Variants in TBKBP1 observed in about 807,000 individuals in gnomAD.
TBKBP1 encodes the protein TANK-binding kinase 1-binding protein 1.
A neutral mutation model predicts 69.9 loss-of-function variants in TBKBP1; 47 were observed. The observed-to-expected ratio is 0.67, with a 90% CI of 0.53 to 0.86. The LOEUF (loss-of-function observed/expected upper bound fraction) is 0.86. Ranked by LOEUF, TBKBP1 falls within the 40% of genes least tolerant of loss-of-function variation. The pLI is 0.00. For missense variants in TBKBP1, 831 were observed against 858.6 expected (o/e 0.97, Z 0.40); for synonymous variants, 418 against 390.3 (o/e 1.07, Z -0.84).
intron 7 of TBKBP1, among the ~76,000 whole-genome samples, chr17:47,701,004 C>T (rs994992931): frequency 3.9e-5 from 6 of 152,180 alleles, no homozygotes; most frequent in African/African-American, 1.4e-4. Context: ...AGACTCCCTA[C>T]TCTAATTGGA....
chr17:47,699,119 A>AT (rs1223299979), intron 5 of TBKBP1, among the ~76,000 whole-genome samples: 2 of 151,818 alleles, frequency 1.3e-5, no homozygotes, highest in Non-Finnish European at 2.9e-5. Flanking sequence ...AGCCCATCTT[A>AT]TTTTTTTCCT....
intron 1 of TBKBP1, chr17:47,694,509 T>C (rs1017898440): frequency 6.6e-6 from 1 of 150,536 alleles, no homozygotes; most frequent in Admixed American, 6.6e-5. Context: ...ACAATTTCTG[T>C]CGGCCGAGCG....
chr17:47,706,871 G>GCA (rs1239056003), intron 7 of TBKBP1, among the ~76,000 whole-genome samples: 4 of 82,480 alleles, frequency 4.8e-5, no homozygotes, highest in South Asian at 9.1e-4. Context: ...ACACACACAC[G>GCA]CACACACCCC....
In TBKBP1 at chr17:47,710,665, C is replaced by T; in HGVS notation, c.*39C>T. On this transcript the variant is annotated 3_prime_UTR_variant, in exon 10 of 10. Coordinates refer to ENST00000578982, the MANE Select transcript of TBKBP1 (RefSeq NM_001394755.1). ...CCCACTGGCTGTTTCTCCGTCCTCT[C>T]CTATCACCCCCAAACACTCACTTTG... 3 of 1,580,172 alleles carry T rather than the reference C, an allele frequency of 1.9e-6. No homozygotes were observed. The highest frequency in any genetic ancestry group is 2.2e-5 in the South Asian group (2 of 89,696).
chr17:47,706,865 A>ACACACACACG (rs2031718814), intron 7 of TBKBP1, among the ~76,000 whole-genome samples: 1 of 151,058 alleles, frequency 6.6e-6, no homozygotes, highest in African/African-American at 2.5e-5. Flanking sequence ...ACACACACAC[A>ACACACACACG]CACACGCACA....
intron 7 of TBKBP1, among the ~76,000 whole-genome samples, chr17:47,700,052 A>G (rs1238104828): frequency 6.7e-6 from 1 of 149,726 alleles, no homozygotes; most frequent in East Asian, 2.0e-4. Flanking sequence ...CAGTGGCGCA[A>G]TCTCGGCTCA....
chr17:47,696,016 GA>G, intron 1 of TBKBP1, 62 bp from the exon 2 acceptor site: 1 of 938,268 alleles, frequency 1.1e-6, no homozygotes, highest in Non-Finnish European at 1.6e-6. Context: ...GAGCCAGGGA[GA>G]GGGGTACCAG....
intron 7 of TBKBP1, among the ~76,000 whole-genome samples, chr17:47,707,399 G>T (rs2031735965): frequency 6.6e-6 from 1 of 152,218 alleles, no homozygotes; most frequent in East Asian, 1.9e-4. Flanking sequence ...TGCCCAAGAT[G>T]CCTGAACAGG....
rs1461256072 is a variant in TBKBP1 at position 47,709,413 on chromosome 17, C to T, written c.1680C>T (p.Tyr560=). 1 of 1,541,594 alleles carries T rather than the reference C, an allele frequency of 6.5e-7. No individual in the cohort carries two copies. Among genetic ancestry groups the T allele is most frequent in the Non-Finnish European group, 8.7e-7 (1 of 1,152,102 alleles). The change falls in exon 9 of 10, where the codon TAC becomes TAT. Residue 560 remains tyrosine (Y), a synonymous_variant. Coordinates refer to ENST00000578982, the MANE Select transcript of TBKBP1 (RefSeq NM_001394755.1). The part of the protein sequence containing the change: ...PIPESPAATA[Y]AHAEHAQSWP... ...CCGAGTCGCCCGCCGCCACCGCCTACGCCCACGCCGAGCACGCGCAGTCCT... is the reference window on the plus strand; with the variant it reads ...CCGAGTCGCCCGCCGCCACCGCCTATGCCCACGCCGAGCACGCGCAGTCCT...
In TBKBP1 at chr17:47,709,160, C is replaced by T. The variant is rs1250639840; in HGVS notation, c.1427C>T (p.Pro476Leu). 4.9e-6 allele frequency: 7 copies of T among 1,430,370 alleles called. No homozygotes were observed. Among genetic ancestry groups the T allele is most frequent in the East Asian group, 3.0e-5 (1 of 32,864 alleles). 88.6% of individuals were successfully genotyped at this position (1,430,370 alleles called of 1,614,324 possible). A position where few individuals can be genotyped will look rare whatever the true frequency, so the allele number is the denominator to read the frequency against. Reference sequence around the variant, plus strand: ...GGCGCGGCCTACGCGGGCGCCTCCCCGCCCTGGCTGCAGGCCGAAGCGGCC... The same window carrying T: ...GGCGCGGCCTACGCGGGCGCCTCCCTGCCCTGGCTGCAGGCCGAAGCGGCC... ...AEGAAYAGAS[P>L]PWLQAEAATL... Residue 476 changes from proline to leucine, a missense_variant, in exon 9 of 10, where the codon CCG becomes CTG. Pro to Leu is a moderately conservative substitution (Grantham distance 98). Transcript: ENST00000578982.
At chr17:47,696,630 G>A in intron 2 of TBKBP1, 81 bp from the exon 3 acceptor site, 1 of 1,602,914 alleles carries the variant, frequency 6.2e-7, no homozygotes, top group East Asian at 2.2e-5. Context: ...GAGGCAGGTT[G>A]TGGGTTGGGG....
At chr17:47,706,464 T>C (rs1394599018) in intron 7 of TBKBP1, among the ~76,000 whole-genome samples, 1 of 152,058 alleles carries the variant, frequency 6.6e-6, no homozygotes, top group Non-Finnish European at 1.5e-5. Flanking sequence ...ACAGGACACA[T>C]TTAACAAAAA....
intron 7 of TBKBP1, among the ~76,000 whole-genome samples, chr17:47,706,706 AG>A: frequency 6.6e-6 from 1 of 152,272 alleles, no homozygotes; most frequent in African/African-American, 2.4e-5. Context: ...AGGATTAGTA[AG>A]AGACAGCCAG....
At chr17:47,696,009 C>CCCCCTGCACT in intron 1 of TBKBP1, 70 bp from the exon 2 acceptor site, 1 of 883,778 alleles carries the variant, frequency 1.1e-6, no homozygotes, top group Non-Finnish European at 1.7e-6. Flanking sequence ...GAGTGCAGAG[C>CCCCCTGCACT]CAGGGAGAGG....
Position 47,696,247 on chromosome 17 carries a change from C to A in TBKBP1, c.135C>A (p.Ile45=), listed in dbSNP as rs773729323. ...GCTCCGCCTCCCACTTTGCCCTCAT[C>A]ACTGCTTACGGAGACATCAAGGAAC... ...DMCSASHFAL[I]TAYGDIKERL... Residue 45 remains isoleucine, a synonymous_variant, in exon 2 of 10, where the codon ATC becomes ATA. Coordinates refer to ENST00000578982, the MANE Select transcript of TBKBP1 (RefSeq NM_001394755.1). 6.2e-7 allele frequency: 1 copy of A among 1,613,614 alleles called. No homozygotes were observed. The highest frequency in any genetic ancestry group is 8.5e-7 in the Non-Finnish European group (1 of 1,179,868).
rs2031258012 is a variant in TBKBP1, at chr17:47,696,715, C to T, written c.230C>T (p.Pro77Leu). 6.2e-7 allele frequency: 1 copy of T among 1,613,842 alleles called. No homozygotes were observed. The highest frequency in any genetic ancestry group is 1.1e-5 in the South Asian group (1 of 91,086). Reference protein sequence around the residue: ...RRLKVYEIKYPLISDFGEEHG... With the variant: ...RRLKVYEIKYLLISDFGEEHG... ...GAAGCTCCACCCCACCTGCAGTACC[C>T]ACTGATCAGTGACTTTGGAGAGGAG... The change falls in exon 3 of 10, where the codon CCA becomes CTA. Residue 77 changes from proline to leucine, a missense_variant. Physicochemically the swap from Pro to Leu is moderately conservative, Grantham distance 98 (BLOSUM62 -3). Transcript: ENST00000578982.
intron 7 of TBKBP1, among the ~76,000 whole-genome samples, chr17:47,704,104 C>T (rs910196038): frequency 1.3e-5 from 2 of 152,180 alleles, no homozygotes; most frequent in Non-Finnish European, 2.9e-5. Context: ...TGGGACAGTC[C>T]TAGGCAAACT....
At position 47,697,087 on chromosome 17, in the gene TBKBP1, A is replaced by G. The variant is rs2031279120; in HGVS notation, c.349-2A>G. 1 of 1,609,492 alleles carries G rather than the reference A, an allele frequency of 6.2e-7. No individual in the cohort carries two copies. Among genetic ancestry groups the G allele is most frequent in the Non-Finnish European group, 8.5e-7 (1 of 1,177,920 alleles). On this transcript the variant is annotated splice_acceptor_variant, in intron 3 of 9. Transcript: ENST00000578982. LOFTEE classifies it high-confidence loss of function. ...TGGTGGGGCCCTCTGGGCCTCATCC[A>G]GTTACAGAAGAACAAGGAGCAGGAA...
chr17:47,703,681 A>G (rs1415428505), intron 7 of TBKBP1, among the ~76,000 whole-genome samples: 2 of 151,944 alleles, frequency 1.3e-5, no homozygotes, highest in Non-Finnish European at 2.9e-5. Flanking sequence ...CTGTCTCCAA[A>G]AAAAGGCTCA....
Sources: gnomAD v4.1 joint callset for allele counts (sites outside exome capture counted in the v4.1 genomes callset) on GRCh38, gnomAD v4.1.1 for gene constraint, MANE v1.5 for transcripts, NCBI Gene and HGNC (gene_info 2026-07-23, HGNC 2026-07-21) for gene names.